TDRD5: variants seen among roughly 807,000 people sequenced by gnomAD.
TDRD5 encodes tudor domain-containing protein 5.
A neutral mutation model predicts 120.6 loss-of-function variants in TDRD5; 41 were observed. The observed-to-expected ratio is 0.34, with a 90% CI of 0.26 to 0.44. TDRD5 has a LOEUF of 0.44. Among genes scored for constraint, TDRD5 ranks in the 20% least tolerant of loss-of-function variants. TDRD5 has a pLI of 1.00. For missense variants in TDRD5, 1,006 were observed against 1,221.2 expected (o/e 0.82, Z 2.63); for synonymous variants, 430 against 433.7 (o/e 0.99, Z 0.11).
At chr1:179,600,091 T>C (rs1558369926) in intron 4 of TDRD5, among the ~76,000 whole-genome samples, 1 of 152,240 alleles carries the variant, frequency 6.6e-6, no homozygotes, top group East Asian at 1.9e-4. Flanking sequence ...GGCATTGTTA[T>C]CATAGGTGAT....
At chr1:179,622,353 A>G (rs1007457738) in intron 6 of TDRD5, among the ~76,000 whole-genome samples, 5 of 152,216 alleles carry the variant, frequency 3.3e-5, no homozygotes, top group Non-Finnish European at 5.9e-5. Context: ...CAGATTCTCT[A>G]CAATACATCT....
intron 14 of TDRD5, among the ~76,000 whole-genome samples, chr1:179,657,443 A>G (rs1458312322): frequency 6.6e-6 from 1 of 151,962 alleles, no homozygotes; most frequent in Non-Finnish European, 1.5e-5. Flanking sequence ...TTTTTGAACT[A>G]CCTAACTTCA....
At chr1:179,663,812 AT>A (rs1305122936) in intron 16 of TDRD5, among the ~76,000 whole-genome samples, 1 of 152,186 alleles carries the variant, frequency 6.6e-6, no homozygotes, top group Non-Finnish European at 1.5e-5. Context: ...AATTTTAAAA[AT>A]GATTAAACCT....
chr1:179,670,405 AAATT>A (rs1268714582), intron 17 of TDRD5, among the ~76,000 whole-genome samples: 4 of 152,200 alleles, frequency 2.6e-5, no homozygotes, highest in African/African-American at 9.6e-5. Flanking sequence ...AAAAAAAAAA[AAATT>A]ATATATGTAC....
intron 6 of TDRD5, among the ~76,000 whole-genome samples, chr1:179,630,331 A>C (rs1168569563): frequency 6.6e-6 from 1 of 152,188 alleles, no homozygotes; most frequent in African/African-American, 2.4e-5. Context: ...TAATAAACAA[A>C]ATTTAAGGAA....
chr1:179,652,297 G>C, intron 13 of TDRD5, 100 bp downstream of exon 13: 1 of 1,244,246 alleles, frequency 8.0e-7, no homozygotes, highest in Non-Finnish European at 1.1e-6. Context: ...TGGAAAGTTT[G>C]GAAATTTTGC....
intron 17 of TDRD5, among the ~76,000 whole-genome samples, chr1:179,688,120 A>T (rs1489709553): frequency 6.6e-6 from 1 of 152,110 alleles, no homozygotes; most frequent in Non-Finnish European, 1.5e-5. Flanking sequence ...CCGTTAGTTG[A>T]TGCAGTTTCT....
At chr1:179,629,027 C>G (rs1291680344) in intron 6 of TDRD5, among the ~76,000 whole-genome samples, 1 of 152,100 alleles carries the variant, frequency 6.6e-6, no homozygotes, top group Non-Finnish European at 1.5e-5. Context: ...TCAGATCACT[C>G]AGCATCATCA....
At chr1:179,687,130 A>C (rs1465713743) in intron 17 of TDRD5, among the ~76,000 whole-genome samples, 1 of 151,864 alleles carries the variant, frequency 6.6e-6, no homozygotes, top group African/African-American at 2.4e-5. Context: ...TTTAATTGTG[A>C]TGTTAGGGTG....
At chr1:179,602,632 G>A (rs373074473) in intron 4 of TDRD5, among the ~76,000 whole-genome samples, 4 of 152,216 alleles carry the variant, frequency 2.6e-5, no homozygotes, top group African/African-American at 9.6e-5. Flanking sequence ...GTTTAAAAGG[G>A]TGTCCTTTCC....
intron 16 of TDRD5, 111 bp from the exon 17 acceptor site, chr1:179,669,083 T>C (rs1679719893): frequency 2.5e-5 from 26 of 1,037,598 alleles, no homozygotes; most frequent in Non-Finnish European, 3.6e-5. Context: ...GTTTTATTTA[T>C]TTATTATAAT....
At chr1:179,652,412 C>T (rs567924350) in intron 13 of TDRD5, among the ~76,000 whole-genome samples, 1 of 152,198 alleles carries the variant, frequency 6.6e-6, no homozygotes, top group Non-Finnish European at 1.5e-5. Flanking sequence ...CCATTGCTGC[C>T]TTTGTGCAGT....
intron 14 of TDRD5, among the ~76,000 whole-genome samples, chr1:179,655,019 TA>T (rs773774635): frequency 2.6e-5 from 4 of 152,194 alleles, no homozygotes; most frequent in Non-Finnish European, 5.9e-5. Context: ...ATCAAATGTT[TA>T]TGTACACAAA....
chr1:179,599,984 T>G (rs959875836), intron 4 of TDRD5, among the ~76,000 whole-genome samples: 5 of 152,206 alleles, frequency 3.3e-5, no homozygotes, highest in Non-Finnish European at 7.4e-5. Context: ...GTGTTTTTAC[T>G]GTACTTTGTA....
chr1:179,630,936 G>A lies in TDRD5; in HGVS notation c.1126+16G>A. 1.9e-6 allele frequency: 3 copies of A among 1,605,710 alleles called. No individual in the cohort carries two copies. Among genetic ancestry groups the A allele is most frequent in the Non-Finnish European group, 2.5e-6 (3 of 1,176,928 alleles). ...CTACCACCTGGTGAGTGGAACCACA[G>A]TATGATGCAAACCTCATTTTTATTG... is the stretch of plus-strand genomic sequence containing the variant. On this transcript the variant is annotated intron_variant, in intron 7 of 17. Transcript: ENST00000444136.
chr1:179,591,615 C>G (rs1424253458), upstream of TDRD5: 11 of 152,242 alleles, frequency 7.2e-5, no homozygotes, highest in Admixed American at 7.2e-4. Flanking sequence ...GCAGCCCCAC[C>G]TCGCGTCTTC....
chr1:179,678,812 A>G (rs1680272829), intron 17 of TDRD5, among the ~76,000 whole-genome samples: 2 of 152,078 alleles, frequency 1.3e-5, no homozygotes, highest in South Asian at 2.1e-4. Flanking sequence ...TAGACATTTC[A>G]TATGTGGGGG....
intron 17 of TDRD5, among the ~76,000 whole-genome samples, chr1:179,678,721 A>T (rs1411577075): frequency 6.6e-6 from 1 of 152,192 alleles, no homozygotes; most frequent in African/African-American, 2.4e-5. Context: ...TTACTGGTAT[A>T]TAGAAATATA....
At position 179,592,786 on chromosome 1, in the gene TDRD5, A is replaced by G. The variant is rs1675187463; in HGVS notation, c.171A>G (p.Val57=). 1 of 1,614,168 alleles carries G rather than the reference A, an allele frequency of 6.2e-7. No homozygotes were observed. The stretch of plus-strand genomic sequence containing the variant: ...GGTATCGGTCCACTATGGAGCTGGT[A>G]TTGGACATGCCTGATGTTGTTCGTG... The part of the protein sequence containing the change: ...ILGYRSTMEL[V]LDMPDVVRVC... The change falls in exon 2 of 18, where the codon GTA becomes GTG. Residue 57 remains valine, a synonymous_variant. Transcript: ENST00000444136.
Sources: allele counts gnomAD v4.1 joint callset (sites outside exome capture counted in the v4.1 genomes callset), GRCh38; gene constraint gnomAD v4.1.1; transcripts MANE v1.5; gene names NCBI Gene and HGNC (gene_info 2026-07-23, HGNC 2026-07-21).